The following DOCK7 variants were observed in gnomAD, a reference collection of about 807,000 sequenced individuals.
DOCK7 encodes dedicator of cytokinesis protein 7.
Under a neutral mutation model 271.0 loss-of-function variants are expected in DOCK7, and 138 were observed. The ratio of observed to expected loss-of-function variants is 0.51; its 90% confidence interval spans 0.44 to 0.59. DOCK7 has a LOEUF of 0.59. Among genes scored for constraint, DOCK7 ranks in the 20% least tolerant of loss-of-function variants. The pLI is 0.00. For missense variants in DOCK7, 2,066 were observed against 2,592.4 expected (o/e 0.80, Z 4.41); for synonymous variants, 823 against 876.1 (o/e 0.94, Z 1.07).
intron 14 of DOCK7, among the ~76,000 whole-genome samples, chr1:62,606,997 CA>C (rs1336109025): frequency 2.0e-5 from 3 of 152,044 alleles, no homozygotes; most frequent in African/African-American, 7.2e-5. Flanking sequence ...CACCTGAGGT[CA>C]GGAGTCTGAC....
At chr1:62,660,523 G>T (rs1658540260) in intron 2 of DOCK7, among the ~76,000 whole-genome samples, 1 of 152,168 alleles carries the variant, frequency 6.6e-6, no homozygotes, top group African/African-American at 2.4e-5. Flanking sequence ...CTTGTGCATT[G>T]ACGGTGGAAA....
intron 2 of DOCK7, 134 bp downstream of exon 2, chr1:62,662,891 T>A: frequency 1.7e-6 from 1 of 585,718 alleles, no homozygotes; most frequent in Non-Finnish European, 2.8e-6. Flanking sequence ...AACTCAGATT[T>A]CAACAAAATG....
chr1:62,508,102 A>C (rs758190719), intron 34 of DOCK7, 44 bp from the exon 35 acceptor site: 1 of 1,522,070 alleles, frequency 6.6e-7, no homozygotes, highest in Non-Finnish European at 8.8e-7. Flanking sequence ...CTTTTTGAAA[A>C]CTACAATTCT....
chr1:62,505,668 A>G lies in DOCK7; in HGVS notation c.4611+14T>C. 3.1e-6 allele frequency: 5 copies of G among 1,599,482 alleles called. No individual in the cohort carries two copies. Among genetic ancestry groups the G allele is most frequent in the Non-Finnish European group, 3.4e-6 (4 of 1,175,812 alleles). The stretch of plus-strand genomic sequence containing the variant: ...AACAAAGTCTGACAACACTGCAGGT[A>G]CAAAATAACCTACCTTTGAAACCAA... On this transcript the variant is annotated intron_variant, in intron 36 of 49. Coordinates refer to ENST00000635253, the MANE Select transcript of DOCK7 (RefSeq NM_001367561.1).
chr1:62,531,988 T>G (rs1282734343), intron 29 of DOCK7, among the ~76,000 whole-genome samples: 1 of 152,188 alleles, frequency 6.6e-6, no homozygotes, highest in East Asian at 1.9e-4. Context: ...TTCAGATAAG[T>G]GCCTTGTAGA....
intron 14 of DOCK7, among the ~76,000 whole-genome samples, chr1:62,591,079 T>C (rs973105532): frequency 1.3e-5 from 2 of 152,020 alleles, no homozygotes; most frequent in East Asian, 1.9e-4. Context: ...GCAAAAGACA[T>C]GGAATCAACC....
intron 7 of DOCK7, among the ~76,000 whole-genome samples, chr1:62,640,382 C>A (rs779533989): frequency 1.3e-5 from 2 of 152,068 alleles, no homozygotes; most frequent in Non-Finnish European, 2.9e-5. Context: ...ATTAGCCAGG[C>A]ATGGTGGCAG....
At chr1:62,487,230 C>T (rs1228767544) in intron 43 of DOCK7, 168 bp downstream of exon 43, 1 of 588,062 alleles carries the variant, frequency 1.7e-6, no homozygotes, top group African/African-American at 1.9e-5. Context: ...TAAGATATTT[C>T]TTAAAATAAC....
chr1:62,666,512 G>A (rs1659341228), intron 1 of DOCK7, among the ~76,000 whole-genome samples: 1 of 152,098 alleles, frequency 6.6e-6, no homozygotes, highest in East Asian at 1.9e-4. Context: ...AAAAATATGT[G>A]CAACCCAGAC....
At chr1:62,589,128 A>C (rs911414753) in intron 14 of DOCK7, among the ~76,000 whole-genome samples, 1 of 152,210 alleles carries the variant, frequency 6.6e-6, no homozygotes, top group African/African-American at 2.4e-5. Flanking sequence ...ACATTTATGA[A>C]GAGTGCTTTC....
At chr1:62,615,188 G>A (rs1018335914) in intron 14 of DOCK7, among the ~76,000 whole-genome samples, 25 of 151,742 alleles carry the variant, frequency 1.6e-4, no homozygotes, top group African/African-American at 6.0e-4. Flanking sequence ...ATCATATTTT[G>A]TTAAAGAAAC....
chr1:62,654,031 A>G lies in DOCK7; in HGVS notation c.273T>C (p.Tyr91=), dbSNP rs1243234202. 1.9e-6 allele frequency: 3 copies of G among 1,613,950 alleles called. No homozygotes were observed. In the South Asian group the frequency reaches 3.3e-5, roughly 18 times the overall value. ...EFPPDDIEVV[Y]SPRDCRTLVS... ...CAAGAGTTCTGCAGTCCCGAGGACT[A>G]TAAACAACTTCAATATCATCTGGAG... Residue 91 remains tyrosine (Y), a synonymous_variant, in exon 3 of 50, where the codon TAT becomes TAC. Transcript: ENST00000635253.
At position 62,455,392 on chromosome 1, in the gene DOCK7, G is replaced by C. The variant is rs971743642; in HGVS notation, c.*22C>G. On this transcript the variant is annotated 3_prime_UTR_variant, in exon 50 of 50. Transcript: ENST00000635253. Reference sequence around the variant, plus strand: ...GTTGAATACATGGCTCTTTGCAGATGAATAAAACAAGTGCATTCAGTTTAG... The same window carrying C: ...GTTGAATACATGGCTCTTTGCAGATCAATAAAACAAGTGCATTCAGTTTAG... 6.2e-7 allele frequency: 1 copy of C among 1,612,012 alleles called. No homozygotes were observed.
intron 31 of DOCK7, among the ~76,000 whole-genome samples, chr1:62,524,912 A>G (rs2149362645): frequency 1.2e-5 from 1 of 83,432 alleles, no homozygotes; most frequent in Non-Finnish European, 2.3e-5. Context: ...AAAAAACAAA[A>G]CAAAACCAAC....
intron 23 of DOCK7, 69 bp downstream of exon 23, chr1:62,544,878 A>T: frequency 8.1e-7 from 1 of 1,230,836 alleles, no homozygotes; most frequent in South Asian, 1.4e-5. Context: ...ATCATAGTAT[A>T]TACTAAAAAG....
At chr1:62,621,136 G>A (rs1653176239) in intron 12 of DOCK7, among the ~76,000 whole-genome samples, 1 of 152,054 alleles carries the variant, frequency 6.6e-6, no homozygotes, top group Non-Finnish European at 1.5e-5. Flanking sequence ...AGGAGGAAGA[G>A]AGAGGAAGAA....
intron 18 of DOCK7, among the ~76,000 whole-genome samples, chr1:62,573,659 T>C (rs919363867): frequency 6.6e-6 from 1 of 152,194 alleles, no homozygotes; most frequent in African/African-American, 2.4e-5. Flanking sequence ...ATTTTAAAAG[T>C]AATTTTAAAA....
intron 14 of DOCK7, chr1:62,607,775 T>C (rs1222956106): frequency 1.3e-5 from 2 of 152,208 alleles, no homozygotes; most frequent in Admixed American, 1.3e-4. Context: ...ATATGAATTG[T>C]GTTTTATACT....
chr1:62,584,531 CT>C, intron 15 of DOCK7: 14 of 1,115,060 alleles, frequency 1.3e-5, no homozygotes, highest in East Asian at 1.2e-4. Flanking sequence ...AATGCAATAC[CT>C]TTTTTCCCTC....
Sources: gnomAD v4.1 joint callset for allele counts (sites outside exome capture counted in the v4.1 genomes callset) on GRCh38, gnomAD v4.1.1 for gene constraint, MANE v1.5 for transcripts, NCBI Gene and HGNC (gene_info 2026-07-23, HGNC 2026-07-21) for gene names.